Variants in CFAP99 observed in about 807,000 individuals in gnomAD.
CFAP99 encodes the protein cilia and flagella associated protein 99.
A neutral mutation model predicts 82.7 loss-of-function variants in CFAP99; 84 were observed. The observed-to-expected ratio is 1.02, with a 90% CI of 0.85 to 1.22. The LOEUF (loss-of-function observed/expected upper bound fraction) is 1.22. Ranked by LOEUF, CFAP99 falls within the 50% of genes most tolerant of loss-of-function variation. The pLI, the probability that CFAP99 is intolerant of heterozygous loss-of-function variation, is 0.00. For synonymous variants in CFAP99, 456 were observed against 429.5 expected (o/e 1.06, Z -0.76); for missense variants, 1,059 against 983.5 (o/e 1.08, Z -1.03).
intron 4 of CFAP99, among the ~76,000 whole-genome samples, chr4:2,442,387 G>A (rs1734063368): frequency 6.6e-6 from 1 of 152,126 alleles, no homozygotes. Context: ...AGGCTCTAGA[G>A]GGATCCCTGG....
At chr4:2,436,794 T>A (rs1243397858) in intron 2 of CFAP99, 80 bp from the exon 3 acceptor site, 236 of 1,160,310 alleles carry the variant, frequency 2.0e-4, no homozygotes, top group East Asian at 1.1e-3. Context: ...CACCCCTGCC[T>A]TTGCCCAAGT....
At chr4:2,459,481 T>C (rs1261300352) in intron 13 of CFAP99, among the ~76,000 whole-genome samples, 1 of 152,218 alleles carries the variant, frequency 6.6e-6, no homozygotes, top group Non-Finnish European at 1.5e-5. Context: ...GCCAGTCCTC[T>C]ATAACTCCTG....
At chr4:2,457,405 C>A (rs562454638) in intron 11 of CFAP99, among the ~76,000 whole-genome samples, 1 of 152,168 alleles carries the variant, frequency 6.6e-6, no homozygotes, top group South Asian at 2.1e-4. Context: ...GGACTTGGTG[C>A]GAGCTCAGCG....
rs1734648653 is a variant in CFAP99 at position 2,462,553 on chromosome 4, A to C, written c.1772A>C (p.Gln591Pro). Residue 591 changes from glutamine to proline, a missense_variant, in exon 15 of 15, where the codon CAG becomes CCG. Gln to Pro is a moderately conservative substitution (Grantham distance 76). Transcript: ENST00000635017. The surrounding 1 kb of genome is among the most constrained non-coding windows in gnomAD (Gnocchi z 4.1). ...GAGAGGGCGGCCGAGCGCAGCAGGC[A>C]GGCGGCCTTGCTGCACGTGTCGGCG... 1.4e-6 allele frequency: 2 copies of C among 1,463,838 alleles called. No homozygotes were observed. Among genetic ancestry groups the C allele is most frequent in the African/African-American group, 2.9e-5 (2 of 67,806 alleles). 90.7% of individuals were successfully genotyped at this position (1,463,838 alleles called of 1,614,324 possible).
intron 5 of CFAP99, among the ~76,000 whole-genome samples, chr4:2,443,928 T>C (rs1488875762): frequency 6.6e-6 from 1 of 151,946 alleles, no homozygotes; most frequent in Non-Finnish European, 1.5e-5. Context: ...CCCCCCAGTT[T>C]TTTCCCTTCT....
At position 2,451,258 on chromosome 4, in the gene CFAP99, C is replaced by T; in HGVS notation, c.868-6C>T. On this transcript the variant is annotated splice_polypyrimidine_tract_variant and splice_region_variant and intron_variant, in intron 9 of 14. Coordinates refer to ENST00000635017, the Ensembl canonical transcript of CFAP99. ...CCCCCACCACAGCCAGTCCCCAATC[C>T]CGCAGCCTGACAACATCCTGGTCAA... 1 of 1,535,992 alleles carries T rather than the reference C, an allele frequency of 6.5e-7. No homozygotes were observed. Among genetic ancestry groups the T allele is most frequent in the Non-Finnish European group, 8.7e-7 (1 of 1,146,830 alleles).
chr4:2,423,881 A>C, intron 1 of CFAP99, among the ~76,000 whole-genome samples: 1 of 115,500 alleles, frequency 8.7e-6, no homozygotes, highest in African/African-American at 3.2e-5. Context: ...GTCTCCAGAC[A>C]TGGGGTGGGG....
In CFAP99 at chr4:2,446,164, C is replaced by T. The variant is rs1193515418; in HGVS notation, c.642+856C>T. Among the ~76,000 whole-genome samples the T allele has an allele frequency of 1.3e-5, 2 of 152,154 alleles. No homozygotes were observed. The highest frequency in any genetic ancestry group is 2.9e-5 in the Non-Finnish European group (2 of 68,036). On this transcript the variant is annotated intron_variant, in intron 6 of 14. Coordinates refer to ENST00000635017, the Ensembl canonical transcript of CFAP99. This position sits in a 1 kb window ranked among gnomAD's most constrained non-coding sequence, Gnocchi z 5.0. ...TCAGGTCTCATTAAAATCCCTCTTC[C>T]CAGAGAGGCTTTTCATGAACCCCTC...
chr4:2,462,579 C>G lies in CFAP99; in HGVS notation c.1798C>G (p.Pro600Ala). 9 of 1,430,654 alleles carry G rather than the reference C, an allele frequency of 6.3e-6. No homozygotes were observed. Among genetic ancestry groups the G allele is most frequent in the Non-Finnish European group, 8.2e-6 (9 of 1,095,406 alleles). The allele number at this position is 1,430,654 out of a possible 1,614,324, so 88.6% of individuals were successfully genotyped here. A position where few individuals can be genotyped will look rare whatever the true frequency, so the allele number is the denominator to read the frequency against. ...GGCGGCCTTGCTGCACGTGTCGGCG[C>G]CGCGGACCGCGCGCCCCAAGCCCCG... The change falls in exon 15 of 15, where the codon CCG (proline) becomes GCG (alanine). Residue 600 changes from proline to alanine, a missense_variant. Transcript: ENST00000635017. The surrounding 1 kb of genome is among the most constrained non-coding windows in gnomAD (Gnocchi z 4.1).
chr4:2,423,043 C>G (rs1468116938), intron 1 of CFAP99, among the ~76,000 whole-genome samples: 1 of 152,212 alleles, frequency 6.6e-6, no homozygotes, highest in East Asian at 1.9e-4. Flanking sequence ...GTGTGGCTGA[C>G]CCTGGCGAAG....
Position 2,438,114 on chromosome 4 carries a change from C to T in CFAP99, c.301C>T (p.Gln101Ter). Reference sequence around the variant, plus strand: ...ATTCCTGCTGGAGGAACTCGGCTTCCAGCTATTCTGTAACATCATCAAGTC... The same window carrying T: ...ATTCCTGCTGGAGGAACTCGGCTTCTAGCTATTCTGTAACATCATCAAGTC... The change falls in exon 4 of 15, where the codon CAG becomes TAG. Residue 101 changes from glutamine (Q) to a stop codon, truncating the protein, a stop_gained. Coordinates refer to ENST00000635017, the Ensembl canonical transcript of CFAP99. LOFTEE classifies it high-confidence loss of function. The T allele has an allele frequency of 6.5e-7, 1 of 1,535,638 alleles. No individual in the cohort carries two copies. The highest frequency in any genetic ancestry group is 8.7e-7 in the Non-Finnish European group (1 of 1,146,646).
At chr4:2,458,829 C>T in exon 12 of CFAP99, 1 of 1,535,846 alleles carries the variant, frequency 6.5e-7, no homozygotes, top group Non-Finnish European at 8.7e-7. Context: ...GCCAAGGCGG[C>T]CCAGACGAAG....
chr4:2,423,529 G>A (rs1398353933), intron 1 of CFAP99, among the ~76,000 whole-genome samples: 1 of 152,220 alleles, frequency 6.6e-6, no homozygotes, highest in African/African-American at 2.4e-5. Flanking sequence ...GGACCCTGAG[G>A]CTGGGGTGGG....
intron 2 of CFAP99, among the ~76,000 whole-genome samples, chr4:2,431,418 T>G (rs1456890577): frequency 6.6e-6 from 1 of 152,056 alleles, no homozygotes; most frequent in African/African-American, 2.4e-5. Flanking sequence ...TGAATATGAC[T>G]TTAGAAATAT....
intron 4 of CFAP99, among the ~76,000 whole-genome samples, chr4:2,439,812 G>A (rs150274521): frequency 1.3e-5 from 2 of 152,186 alleles, no homozygotes; most frequent in African/African-American, 4.8e-5. Flanking sequence ...GAAACAAGAA[G>A]TCACTGGTGT....
chr4:2,453,212 G>A lies in CFAP99; in HGVS notation c.1161+866G>A, dbSNP rs75176193. Among the ~76,000 whole-genome samples, 261 of 152,052 alleles carry A rather than the reference G, an allele frequency of 1.7e-3. 1 individual carries two copies. Among genetic ancestry groups the A allele is most frequent in the African/African-American group, 5.5e-3 (230 of 41,448 alleles). ...CATTAATTTCTGGATTACCTTTCCC[G>A]TCTTTCGAAGCAAATAACACACTTG... On this transcript the variant is annotated intron_variant, in intron 11 of 14. Transcript: ENST00000635017.
chr4:2,445,188 A>G (rs1300499250), exon 6 of CFAP99: 2 of 1,444,018 alleles, frequency 1.4e-6, no homozygotes, highest in Non-Finnish European at 1.8e-6. Flanking sequence ...CTGCCAGTCA[A>G]TCCTCTCCTT....
In CFAP99 at chr4:2,462,153, C is replaced by T; in HGVS notation, c.1662-290C>T. 1 of 260,972 alleles carries T rather than the reference C, an allele frequency of 3.8e-6. No homozygotes were observed. Among genetic ancestry groups the T allele is most frequent in the South Asian group, 9.4e-5 (1 of 10,644 alleles). 16.2% of individuals were successfully genotyped at this position (260,972 alleles called of 1,614,324 possible). ...GCCTGGGCGACAGAGTGAGACCCTG[C>T]CTCAAACAAACAAACAAACAACAAC... On this transcript the variant is annotated intron_variant, in intron 14 of 14. Coordinates refer to ENST00000635017, the Ensembl canonical transcript of CFAP99. This position sits in a 1 kb window ranked among gnomAD's most constrained non-coding sequence, Gnocchi z 4.1.
chr4:2,451,076 CT>C, intron 9 of CFAP99, 58 bp downstream of exon 9: 1 of 1,505,896 alleles, frequency 6.6e-7, no homozygotes, highest in Non-Finnish European at 8.9e-7. Flanking sequence ...CCCTCCAGAC[CT>C]TTTCTGCCCG....
Sources: allele counts gnomAD v4.1 joint callset (sites outside exome capture counted in the v4.1 genomes callset), GRCh38; gene constraint gnomAD v4.1.1; non-coding constraint Gnocchi (gnomAD v3.1); transcripts MANE v1.5; gene names NCBI Gene and HGNC (gene_info 2026-07-23, HGNC 2026-07-21).